The following CNTN5 variants were observed in gnomAD, a reference collection of about 807,000 sequenced individuals.
CNTN5 encodes the protein contactin 5.
In CNTN5, 77 loss-of-function variants were observed where a neutral mutation model predicts 129.1. The observed-to-expected ratio is 0.60, with a 90% CI of 0.50 to 0.72. The LOEUF is 0.72. Ranked by LOEUF, CNTN5 falls within the 30% of genes least tolerant of loss-of-function variation. CNTN5 has a pLI of 0.00. For synonymous variants in CNTN5, 509 were observed against 465.6 expected, an observed-to-expected ratio of 1.09 and a Z score of -1.20; for missense variants, 1,478 against 1,328.8, an observed-to-expected ratio of 1.11 and a Z score of -1.75.
chr11:99,601,032 G>C (rs1325276615), intron 3 of CNTN5, among the ~76,000 whole-genome samples: 2 of 151,996 alleles, frequency 1.3e-5, no homozygotes, highest in Non-Finnish European at 2.9e-5. Flanking sequence ...TTTTGTGTTT[G>C]TTTGTCTCTC....
chr11:99,343,533 TCA>T (rs1297151070), intron 2 of CNTN5, among the ~76,000 whole-genome samples: 1 of 152,214 alleles, frequency 6.6e-6, no homozygotes, highest in Non-Finnish European at 1.5e-5. Flanking sequence ...ATGTCCATTC[TCA>T]GTTTTAGTAA....
chr11:99,865,363 G>T (rs1948327373), intron 6 of CNTN5, among the ~76,000 whole-genome samples: 1 of 151,834 alleles, frequency 6.6e-6, no homozygotes, highest in Non-Finnish European at 1.5e-5. Flanking sequence ...AAAATGCCAG[G>T]AATCAGAAGA....
rs555564381 is a variant in CNTN5, at chr11:99,745,863, A to C, written c.56-73681A>C. 1.5e-4 allele frequency among the ~76,000 whole-genome samples: 23 copies of C among 152,320 alleles called. No individual in the cohort carries two copies. The South Asian group carries it at 4.6e-3, about 30-fold the overall frequency. On this transcript the variant is annotated intron_variant, in intron 3 of 24. Transcript: ENST00000524871. ...AATAGTAAGGAAGACAGTCAAATAAACAAATACAATATAGTGTGATGATTG... is the reference window on the plus strand; with the variant it reads ...AATAGTAAGGAAGACAGTCAAATAACCAAATACAATATAGTGTGATGATTG...
chr11:99,770,601 T>C (rs1004019896), intron 3 of CNTN5, among the ~76,000 whole-genome samples: 2 of 152,092 alleles, frequency 1.3e-5, no homozygotes, highest in Non-Finnish European at 2.9e-5. Context: ...TATGTCTTTA[T>C]TTGTGTCTTT....
chr11:99,818,770 C>T (rs189945376), intron 3 of CNTN5, among the ~76,000 whole-genome samples: 1 of 152,184 alleles, frequency 6.6e-6, no homozygotes, highest in African/African-American at 2.4e-5. Flanking sequence ...GGATGCTCAA[C>T]CTTTCTAACC....
At chr11:99,924,554 A>T (rs1263556426) in intron 7 of CNTN5, among the ~76,000 whole-genome samples, 3 of 151,892 alleles carry the variant, frequency 2.0e-5, no homozygotes, top group African/African-American at 7.3e-5. Flanking sequence ...GGTTGTGGGT[A>T]TGCAGCTTTA....
chr11:99,879,025 C>T (rs578006541), intron 6 of CNTN5, among the ~76,000 whole-genome samples: 121 of 152,120 alleles, frequency 8.0e-4, no homozygotes, highest in Non-Finnish European at 1.2e-3. Flanking sequence ...GCCACCTCTG[C>T]CTCCCGGGTC....
intron 13 of CNTN5, among the ~76,000 whole-genome samples, chr11:100,094,431 TCA>T (rs1382346405): frequency 6.6e-6 from 1 of 152,156 alleles, no homozygotes; most frequent in Non-Finnish European, 1.5e-5. Flanking sequence ...TTTTAAAATC[TCA>T]GTTTTCTTAC....
In CNTN5 at chr11:100,255,775, C is replaced by A. The variant is rs1421265135; in HGVS notation, c.2021C>A (p.Pro674His). ...TGACCTATAGGACCCCCAGGCCCACCTGGGATAGTAATTGTTGAGGAAATA... is the reference window on the plus strand; with the variant it reads ...TGACCTATAGGACCCCCAGGCCCACATGGGATAGTAATTGTTGAGGAAATA... Reference protein sequence around the residue: ...ELLVRGPPGPPGIVIVEEITE... With the variant: ...ELLVRGPPGPHGIVIVEEITE... The change falls in exon 17 of 25, where the codon CCT becomes CAT. Residue 674 changes from proline to histidine, a missense_variant. Transcript: ENST00000524871. The A allele has an allele frequency of 1.2e-6, 2 of 1,613,818 alleles. No homozygotes were observed. The highest frequency in any genetic ancestry group is 1.7e-5 in the Admixed American group (1 of 60,018).
chr11:99,378,359 T>A (rs1940316134), intron 2 of CNTN5, among the ~76,000 whole-genome samples: 1 of 152,124 alleles, frequency 6.6e-6, no homozygotes. Flanking sequence ...ATTTCTCTAA[T>A]AATAAGAAAA....
intron 8 of CNTN5, among the ~76,000 whole-genome samples, chr11:99,975,723 T>TCC (rs1399896579): frequency 6.6e-6 from 1 of 152,004 alleles, no homozygotes. Context: ...TCCAATCACC[T>TCC]CCCACTAGGC....
chr11:100,064,979 A>G (rs527745090), intron 10 of CNTN5, among the ~76,000 whole-genome samples: 1 of 152,108 alleles, frequency 6.6e-6, no homozygotes, highest in Non-Finnish European at 1.5e-5. Flanking sequence ...GTGAGTTTAA[A>G]TGTGTATCAT....
At chr11:99,982,835 G>A (rs1419387033) in intron 8 of CNTN5, among the ~76,000 whole-genome samples, 5 of 152,064 alleles carry the variant, frequency 3.3e-5, no homozygotes, top group South Asian at 2.1e-4. Context: ...TAGATACGGG[G>A]TTTCACCGTA....
chr11:100,187,411 G>GTT (rs33944692), intron 13 of CNTN5, among the ~76,000 whole-genome samples: 520 of 148,462 alleles, frequency 3.5e-3, no homozygotes, highest in Admixed American at 0.011. Flanking sequence ...GCTGCCAACG[G>GTT]TTTTTTTTTT....
In CNTN5 at chr11:99,771,751, C is replaced by T. The variant is rs77674079; in HGVS notation, c.56-47793C>T. 1.5e-4 allele frequency among the ~76,000 whole-genome samples: 23 copies of T among 151,800 alleles called. No homozygotes were observed. In the East Asian group the frequency reaches 3.5e-3, roughly 23 times the overall value. On this transcript the variant is annotated intron_variant, in intron 3 of 24. Coordinates refer to ENST00000524871, the MANE Select transcript of CNTN5 (RefSeq NM_014361.4). The stretch of plus-strand genomic sequence containing the variant: ...GCATGTCAAGTAAGGTTAATAATGC[C>T]GTATTGTAAACTTGAAATTTGCTAA...
At chr11:100,024,702 G>C (rs1271010679) in intron 9 of CNTN5, among the ~76,000 whole-genome samples, 1 of 152,194 alleles carries the variant, frequency 6.6e-6, no homozygotes, top group Non-Finnish European at 1.5e-5. Flanking sequence ...TTAGCAAAGA[G>C]ACTAGTGGCA....
intron 1 of CNTN5, among the ~76,000 whole-genome samples, chr11:99,187,098 C>T (rs1475174012): frequency 6.6e-6 from 1 of 151,860 alleles, no homozygotes; most frequent in Non-Finnish European, 1.5e-5. Flanking sequence ...GAGCATCTCA[C>T]CAGGCTTTCT....
intron 3 of CNTN5, among the ~76,000 whole-genome samples, chr11:99,721,575 A>G (rs1191781432): frequency 6.6e-6 from 1 of 152,170 alleles, no homozygotes; most frequent in South Asian, 2.1e-4. Context: ...AGGAACCAAC[A>G]AAGATTTCAT....
chr11:100,041,695 C>A (rs1942389035), intron 9 of CNTN5, among the ~76,000 whole-genome samples: 1 of 152,134 alleles, frequency 6.6e-6, no homozygotes, highest in Non-Finnish European at 1.5e-5. Context: ...TTATTGCTTT[C>A]AGTGCTAAAT....
Sources: gnomAD v4.1 joint callset for allele counts (sites outside exome capture counted in the v4.1 genomes callset) on GRCh38, gnomAD v4.1.1 for gene constraint, MANE v1.5 for transcripts, NCBI Gene and HGNC (gene_info 2026-07-23, HGNC 2026-07-21) for gene names.